ZNF423: variants seen among roughly 807,000 people sequenced by gnomAD.
ZNF423 encodes zinc finger protein 423.
ZNF423 carries 12 observed loss-of-function variants against 95.8 expected under a neutral mutation model. That is an observed-to-expected ratio of 0.13 (90% CI 0.08 to 0.20). The LOEUF is 0.20. Ranked by LOEUF, ZNF423 falls within the 10% of genes least tolerant of loss-of-function variation. ZNF423 has a pLI of 1.00. For synonymous variants in ZNF423, 749 were observed against 711.9 expected (o/e 1.05, Z -0.83); for missense variants, 1,316 against 1,737.1 (o/e 0.76, Z 4.31).
At chr16:49,792,002 C>CAAAA (rs1227429391) in intron 1 of ZNF423, among the ~76,000 whole-genome samples, 4 of 70,910 alleles carry the variant, frequency 5.6e-5, no homozygotes, top group Non-Finnish European at 6.1e-5. Flanking sequence ...GACTCCATCT[C>CAAAA]AAAAAAAAAA....
At chr16:49,529,417 G>T (rs776469135) in intron 5 of ZNF423, among the ~76,000 whole-genome samples, 4 of 152,058 alleles carry the variant, frequency 2.6e-5, no homozygotes, top group Non-Finnish European at 5.9e-5. Flanking sequence ...CTCTGCTCAG[G>T]AATAAGTGTT....
chr16:49,803,743 A>G (rs1206070796), intron 1 of ZNF423, among the ~76,000 whole-genome samples: 1 of 152,006 alleles, frequency 6.6e-6, no homozygotes, highest in Non-Finnish European at 1.5e-5. Context: ...GGTATGCTGG[A>G]GGTTGCTAAA....
chr16:49,574,485 T>G (rs1044771993), intron 5 of ZNF423, among the ~76,000 whole-genome samples: 1 of 152,252 alleles, frequency 6.6e-6, no homozygotes, highest in Non-Finnish European at 1.5e-5. Flanking sequence ...GTGATGCTGC[T>G]GCTGATGCTG....
chr16:49,855,062 G>A lies in ZNF423; in HGVS notation c.40+673C>T, dbSNP rs2035345007. ...GTGCAGACAATGAACTCCTGGCGGA[G>A]GCTCCCTGCCCGGTGGGCCTCGGTG... On this transcript the variant is annotated intron_variant, in intron 1 of 7. Transcript: ENST00000563137. The surrounding 1 kb of genome is among the most constrained non-coding windows in gnomAD (Gnocchi z 4.7). The A allele has an allele frequency of 1.0e-6, 1 of 984,378 alleles. No individual in the cohort carries two copies. The highest frequency in any genetic ancestry group is 1.2e-6 in the Non-Finnish European group (1 of 829,286). 61.0% of individuals were successfully genotyped at this position (984,378 alleles called of 1,614,324 possible). A position where few individuals can be genotyped will look rare whatever the true frequency, so the allele number is the denominator to read the frequency against.
intron 5 of ZNF423, among the ~76,000 whole-genome samples, chr16:49,623,183 C>T (rs1972143770): frequency 6.6e-6 from 1 of 152,176 alleles, no homozygotes; most frequent in African/African-American, 2.4e-5. Flanking sequence ...TGCCTGCTCT[C>T]CAGGCCTCCA....
chr16:49,791,320 T>C (rs913541494), intron 1 of ZNF423, among the ~76,000 whole-genome samples: 2 of 152,118 alleles, frequency 1.3e-5, no homozygotes, highest in African/African-American at 4.8e-5. Flanking sequence ...CAGACAAAAT[T>C]GATATTATTC....
chr16:49,720,831 C>T (rs1482941175), intron 3 of ZNF423, among the ~76,000 whole-genome samples: 1 of 152,206 alleles, frequency 6.6e-6, no homozygotes, highest in Non-Finnish European at 1.5e-5. Flanking sequence ...GCTCTCAGGC[C>T]CAGTGGTCTG....
rs146560527 is a variant in ZNF423 at position 49,830,237 on chromosome 16, C to A, written c.40+25498G>T. The stretch of plus-strand genomic sequence containing the variant: ...TAGTACAGAGGAAGAGTCTCAGTCA[C>A]GGGGAAAGCCATGCAGAGGAAAGAA... On this transcript the variant is annotated intron_variant, in intron 1 of 7. Coordinates refer to ENST00000563137, the MANE Select transcript of ZNF423 (RefSeq NM_001379286.1). Among the ~76,000 whole-genome samples, 46 of 152,150 alleles carry A rather than the reference C, an allele frequency of 3.0e-4. No individual in the cohort carries two copies. The East Asian group carries it at 8.7e-3, about 29-fold the overall frequency.
intron 3 of ZNF423, among the ~76,000 whole-genome samples, chr16:49,707,474 AG>A (rs1415548087): frequency 6.6e-6 from 1 of 151,978 alleles, no homozygotes; most frequent in African/African-American, 2.4e-5. Context: ...AAAAATAGCC[AG>A]GTATGGTGGC....
At chr16:49,707,478 A>G (rs12929240) in intron 3 of ZNF423, among the ~76,000 whole-genome samples, 134,904 of 152,064 alleles carry the variant, frequency 0.89, 60,119 homozygotes, top group African/African-American at 0.97. Context: ...ATAGCCAGGT[A>G]TGGTGGCAGG....
chr16:49,809,698 T>A (rs1000753369), intron 1 of ZNF423, among the ~76,000 whole-genome samples: 12 of 152,002 alleles, frequency 7.9e-5, no homozygotes, highest in Admixed American at 5.9e-4. Context: ...GACCCCCGGG[T>A]GGGTTAGCAC....
intron 3 of ZNF423, among the ~76,000 whole-genome samples, chr16:49,674,581 A>G (rs1318237448): frequency 6.6e-6 from 1 of 152,226 alleles, no homozygotes; most frequent in Non-Finnish European, 1.5e-5. Flanking sequence ...CAGGCGGAAC[A>G]GAGATGTGAA....
intron 1 of ZNF423, among the ~76,000 whole-genome samples, chr16:49,843,638 G>C (rs188577674): frequency 2.0e-5 from 3 of 152,216 alleles, no homozygotes; most frequent in African/African-American, 7.2e-5. Context: ...CCCAAAGTCA[G>C]AGTATGTTTC....
At chr16:49,715,311 C>T (rs955083071) in intron 3 of ZNF423, among the ~76,000 whole-genome samples, 3 of 152,116 alleles carry the variant, frequency 2.0e-5, no homozygotes, top group African/African-American at 2.4e-5. Context: ...CAAGGAGGGC[C>T]GCGCTGAGGA....
At chr16:49,810,111 C>T (rs1211142221) in intron 1 of ZNF423, among the ~76,000 whole-genome samples, 1 of 152,046 alleles carries the variant, frequency 6.6e-6, no homozygotes, top group Non-Finnish European at 1.5e-5. Context: ...CAGGGAGAGG[C>T]CCCAGAGGTC....
intron 1 of ZNF423, among the ~76,000 whole-genome samples, chr16:49,797,562 G>C (rs1434237845): frequency 6.6e-6 from 1 of 152,186 alleles, no homozygotes; most frequent in Non-Finnish European, 1.5e-5. Context: ...GGCAGTGGGT[G>C]GGGTGGGGGT....
At chr16:49,765,287 A>G (rs1221246737) in intron 2 of ZNF423, among the ~76,000 whole-genome samples, 1 of 152,204 alleles carries the variant, frequency 6.6e-6, no homozygotes, top group Non-Finnish European at 1.5e-5. Context: ...CATTTTGGGA[A>G]GATGAAAACT....
intron 3 of ZNF423, among the ~76,000 whole-genome samples, chr16:49,729,639 CTATTATTATTATTATTAT>C (rs34889282): frequency 1.0e-4 from 14 of 138,940 alleles, no homozygotes; most frequent in East Asian, 4.2e-4. Context: ...CCTCTTAGGT[CTATTATTATTATTATTAT>C]TATTATTATT....
At chr16:49,588,412 A>G (rs1970909551) in intron 5 of ZNF423, among the ~76,000 whole-genome samples, 1 of 152,180 alleles carries the variant, frequency 6.6e-6, no homozygotes, top group Admixed American at 6.5e-5. Flanking sequence ...CAGAGCTCTC[A>G]CCAGGTCCCA....
Sources: gnomAD v4.1 joint callset for allele counts (sites outside exome capture counted in the v4.1 genomes callset) on GRCh38, gnomAD v4.1.1 for gene constraint, Gnocchi (gnomAD v3.1) non-coding constraint, MANE v1.5 for transcripts, NCBI Gene and HGNC (gene_info 2026-07-23, HGNC 2026-07-21) for gene names.